Variants in ARHGEF26 observed in about 807,000 individuals in gnomAD.
ARHGEF26 encodes Rho guanine nucleotide exchange factor 26, also known as Rho guanine nucleotide exchange factor (GEF) 26.
In ARHGEF26, 59 loss-of-function variants were observed where a neutral mutation model predicts 89.4. The observed-to-expected ratio is 0.66, with a 90% CI of 0.54 to 0.82. The LOEUF (loss-of-function observed/expected upper bound fraction) is 0.82. ARHGEF26 is among the 40% of genes least tolerant of loss of function. The pLI, the probability that ARHGEF26 is intolerant of heterozygous loss-of-function variation, is 0.00. For synonymous variants in ARHGEF26, 500 were observed against 428.4 expected (o/e 1.17, Z -2.06); for missense variants, 1,234 against 1,085.6 (o/e 1.14, Z -1.92).
At chr3:154,255,261 T>C (rs914478499) in intron 14 of ARHGEF26, 70 bp from the exon 15 acceptor site, 4 of 1,523,722 alleles carry the variant, frequency 2.6e-6, no homozygotes, top group Middle Eastern at 1.8e-4. Flanking sequence ...CTCTCAGCTT[T>C]TTCATATCCT....
intron 12 of ARHGEF26, among the ~76,000 whole-genome samples, chr3:154,244,272 A>G (rs1029037907): frequency 5.3e-5 from 8 of 152,214 alleles, no homozygotes; most frequent in Non-Finnish European, 1.0e-4. Flanking sequence ...CAGCAGTAGG[A>G]GGGGTGCAGC....
At chr3:154,227,706 G>A (rs357498) in intron 11 of ARHGEF26, among the ~76,000 whole-genome samples, 138,978 of 152,238 alleles carry the variant, frequency 0.91, 63,683 homozygotes, top group East Asian at 1. Flanking sequence ...GGGGAGAGTA[G>A]TTATATATGT....
intron 9 of ARHGEF26, among the ~76,000 whole-genome samples, chr3:154,203,960 T>G (rs1395295216): frequency 6.6e-6 from 1 of 152,152 alleles, no homozygotes; most frequent in Non-Finnish European, 1.5e-5. Context: ...TGTAGTTTTC[T>G]TTTTTGATGT....
At chr3:154,188,471 T>C (rs894434042) in intron 7 of ARHGEF26, among the ~76,000 whole-genome samples, 1 of 152,248 alleles carries the variant, frequency 6.6e-6, no homozygotes, top group Non-Finnish European at 1.5e-5. Context: ...AGTTTTGATG[T>C]GATGCATATG....
intron 12 of ARHGEF26, among the ~76,000 whole-genome samples, chr3:154,250,978 G>GAC (rs1284090140): frequency 6.6e-6 from 1 of 152,012 alleles, no homozygotes; most frequent in African/African-American, 2.4e-5. Flanking sequence ...GAGAGAGAGA[G>GAC]AGAGAGGTTT....
chr3:154,139,457 A>G (rs545105901), intron 4 of ARHGEF26, among the ~76,000 whole-genome samples: 3 of 152,378 alleles, frequency 2.0e-5, no homozygotes, highest in South Asian at 2.1e-4. Context: ...ATTCAAGAAT[A>G]ATAGCAGTCT....
At chr3:154,184,519 A>G (rs1285513136) in intron 6 of ARHGEF26, among the ~76,000 whole-genome samples, 1 of 152,188 alleles carries the variant, frequency 6.6e-6, no homozygotes, top group Non-Finnish European at 1.5e-5. Flanking sequence ...CTCTGTCTTC[A>G]TTAATGGTTT....
At chr3:154,204,333 C>CTTTTTT (rs55822103) in intron 9 of ARHGEF26, among the ~76,000 whole-genome samples, 3 of 113,348 alleles carry the variant, frequency 2.6e-5, no homozygotes, top group Admixed American at 1.1e-4. Context: ...TTTTCTTTTC[C>CTTTTTT]TTTTTTTTTT....
intron 6 of ARHGEF26, among the ~76,000 whole-genome samples, chr3:154,185,778 C>T (rs1221995351): frequency 6.6e-6 from 1 of 152,196 alleles, no homozygotes; most frequent in Non-Finnish European, 1.5e-5. Context: ...GCAATCATGC[C>T]TTGGTCTTTC....
At chr3:154,213,199 CATAG>C (rs1418651105) in intron 9 of ARHGEF26, among the ~76,000 whole-genome samples, 2 of 65,838 alleles carry the variant, frequency 3.0e-5, no homozygotes, top group African/African-American at 1.1e-4. Flanking sequence ...TTACGAGTAA[CATAG>C]AGAGAGAGAG....
chr3:154,151,262 A>G (rs1025802716), intron 5 of ARHGEF26, among the ~76,000 whole-genome samples: 1 of 152,200 alleles, frequency 6.6e-6, no homozygotes, highest in African/African-American at 2.4e-5. Flanking sequence ...GGAGATAACA[A>G]AGGGCTTATT....
At chr3:154,211,024 T>G (rs1374830863) in intron 9 of ARHGEF26, among the ~76,000 whole-genome samples, 1 of 151,820 alleles carries the variant, frequency 6.6e-6, no homozygotes, top group Non-Finnish European at 1.5e-5. Context: ...TCTCCCACTG[T>G]GGCTGAGCTG....
rs549286288 is a variant in ARHGEF26 at position 154,234,804 on chromosome 3, C to T, written c.2091-5566C>T. On this transcript the variant is annotated intron_variant, in intron 11 of 14. Coordinates refer to ENST00000465093, the MANE Select transcript of ARHGEF26 (RefSeq NM_015595.4). ...TTTTTGAAGCGGAGTCTCACTTTGT[C>T]GCCCAGGCTGGAGTGCGGTGGCGCA... 2.5e-3 allele frequency among the ~76,000 whole-genome samples: 384 copies of T among 152,128 alleles called. 1 individual carries two copies. Among genetic ancestry groups the T allele is most frequent in the Admixed American group, 4.0e-3 (61 of 15,264 alleles).
chr3:154,176,969 A>C (rs1028836640), intron 6 of ARHGEF26, among the ~76,000 whole-genome samples: 1 of 152,130 alleles, frequency 6.6e-6, no homozygotes, highest in Admixed American at 6.5e-5. Flanking sequence ...AAGGGGATTG[A>C]TGCAAGAATA....
intron 12 of ARHGEF26, 69 bp from the exon 13 acceptor site, chr3:154,253,047 G>C: frequency 6.4e-7 from 1 of 1,567,416 alleles, no homozygotes. Flanking sequence ...TGCATTGGCT[G>C]CCTAGAAAAC....
At chr3:154,246,046 G>A (rs1717783124) in intron 12 of ARHGEF26, among the ~76,000 whole-genome samples, 1 of 152,110 alleles carries the variant, frequency 6.6e-6, no homozygotes, top group Admixed American at 6.5e-5. Flanking sequence ...AAAAATAAAG[G>A]ATCATTTCAG....
chr3:154,211,057 C>T (rs543461435), intron 9 of ARHGEF26, among the ~76,000 whole-genome samples: 2 of 151,860 alleles, frequency 1.3e-5, no homozygotes, highest in African/African-American at 4.8e-5. Context: ...CAAGACAAAG[C>T]CCTTCCCATT....
At chr3:154,205,149 C>T in intron 9 of ARHGEF26, among the ~76,000 whole-genome samples, 1 of 151,960 alleles carries the variant, frequency 6.6e-6, no homozygotes, top group East Asian at 1.9e-4. Context: ...TCTTTCTTTA[C>T]CTTTAATAAT....
chr3:154,229,650 C>T (rs549254194), intron 11 of ARHGEF26, among the ~76,000 whole-genome samples: 12 of 152,256 alleles, frequency 7.9e-5, no homozygotes, highest in African/African-American at 2.9e-4. Context: ...CAGCATTCCT[C>T]GTCTCTATCC....
Sources: gnomAD v4.1 joint callset for allele counts (sites outside exome capture counted in the v4.1 genomes callset) on GRCh38, gnomAD v4.1.1 for gene constraint, MANE v1.5 for transcripts, NCBI Gene and HGNC (gene_info 2026-07-23, HGNC 2026-07-21) for gene names.